MEF2A: variants seen among roughly 807,000 people sequenced by gnomAD.
MEF2A encodes myocyte-specific enhancer factor 2A.
A neutral mutation model predicts 55.8 loss-of-function variants in MEF2A; 28 were observed. The ratio of observed to expected loss-of-function variants is 0.50; its 90% confidence interval spans 0.37 to 0.69. The LOEUF is 0.69. Among genes scored for constraint, MEF2A ranks in the 30% least tolerant of loss-of-function variants. The pLI is 0.00. For synonymous variants in MEF2A, 239 were observed against 227.1 expected, an observed-to-expected ratio of 1.05 and a Z score of -0.47; for missense variants, 528 against 626.2, an observed-to-expected ratio of 0.84 and a Z score of 1.67.
intron 7 of MEF2A, among the ~76,000 whole-genome samples, chr15:99,676,698 T>C (rs987581181): frequency 1.3e-5 from 2 of 151,662 alleles, no homozygotes; most frequent in Non-Finnish European, 2.9e-5. Context: ...GCCTCCCGAG[T>C]AGCTGGGACT....
intron 2 of MEF2A, among the ~76,000 whole-genome samples, chr15:99,616,218 TATTAAA>T (rs1310920066): frequency 6.6e-6 from 1 of 152,208 alleles, no homozygotes; most frequent in Non-Finnish European, 1.5e-5. Flanking sequence ...GTAAAGACTT[TATTAAA>T]ATTATTTTAG....
At chr15:99,597,926 C>G (rs1230376303) in intron 1 of MEF2A, among the ~76,000 whole-genome samples, 3 of 152,090 alleles carry the variant, frequency 2.0e-5, no homozygotes, top group Non-Finnish European at 4.4e-5. Flanking sequence ...TAAAATATAG[C>G]TAGCTAGTGA....
chr15:99,573,515 T>G (rs1963246166), intron 1 of MEF2A, among the ~76,000 whole-genome samples: 1 of 152,216 alleles, frequency 6.6e-6, no homozygotes, highest in Non-Finnish European at 1.5e-5. Flanking sequence ...TGCTGGGCAC[T>G]GAGTAGCCAT....
intron 8 of MEF2A, among the ~76,000 whole-genome samples, chr15:99,701,952 A>C (rs563774869): frequency 5.2e-4 from 79 of 152,358 alleles, no homozygotes; most frequent in Non-Finnish European, 9.4e-4. Context: ...TTGCTTAATA[A>C]AGTTATGTCT....
intron 1 of MEF2A, among the ~76,000 whole-genome samples, chr15:99,596,774 A>C (rs1324220541): frequency 6.6e-6 from 1 of 152,204 alleles, no homozygotes; most frequent in East Asian, 1.9e-4. Flanking sequence ...TCAAGCAAGA[A>C]TGTAGCAGGG....
At chr15:99,642,891 C>A (rs1009475299) in intron 3 of MEF2A, among the ~76,000 whole-genome samples, 2 of 152,258 alleles carry the variant, frequency 1.3e-5, no homozygotes, top group Admixed American at 1.3e-4. Context: ...GGGATTCTTA[C>A]TTTCCTTGAA....
chr15:99,592,902 A>G (rs1439569815), intron 1 of MEF2A, among the ~76,000 whole-genome samples: 1 of 152,174 alleles, frequency 6.6e-6, no homozygotes, highest in Non-Finnish European at 1.5e-5. Context: ...ATCATATCAC[A>G]CACACTGAAT....
At chr15:99,690,705 GA>G (rs1337849019) in intron 8 of MEF2A, 3 of 524,036 alleles carry the variant, frequency 5.7e-6, no homozygotes, top group Non-Finnish European at 1.1e-5. Context: ...GCCAGGCATA[GA>G]AAGATAGATA....
At chr15:99,695,856 T>G (rs1226594683) in intron 8 of MEF2A, among the ~76,000 whole-genome samples, 1 of 73,022 alleles carries the variant, frequency 1.4e-5, no homozygotes, top group Admixed American at 1.5e-4. Context: ...TGAAACTCCG[T>G]CTCAAAAAAA....
intron 1 of MEF2A, among the ~76,000 whole-genome samples, chr15:99,570,375 A>T (rs893790901): frequency 6.6e-6 from 1 of 152,208 alleles, no homozygotes. Context: ...CAAAATAAAC[A>T]AGAAAACATG....
intron 2 of MEF2A, among the ~76,000 whole-genome samples, chr15:99,621,617 C>T (rs1474840483): frequency 6.6e-6 from 1 of 152,096 alleles, no homozygotes; most frequent in African/African-American, 2.4e-5. Context: ...GCCCAAGACT[C>T]CCAATGCTTA....
intron 4 of MEF2A, among the ~76,000 whole-genome samples, chr15:99,661,281 TAGG>T (rs1385061898): frequency 2.0e-5 from 3 of 152,038 alleles, no homozygotes; most frequent in African/African-American, 7.3e-5. Flanking sequence ...CAGGATAATA[TAGG>T]AGAATATCTT....
At chr15:99,569,490 G>A (rs577346463) in intron 1 of MEF2A, among the ~76,000 whole-genome samples, 9 of 152,254 alleles carry the variant, frequency 5.9e-5, no homozygotes, top group Admixed American at 2.0e-4. Context: ...TACATAAAAC[G>A]CTTAATTGGC....
intron 4 of MEF2A, among the ~76,000 whole-genome samples, chr15:99,666,577 G>GGA (rs2049778708): frequency 4.0e-5 from 2 of 50,244 alleles, no homozygotes; most frequent in Admixed American, 2.3e-4. Flanking sequence ...AGAACTTAAA[G>GGA]TATAATAATA....
Position 99,713,883 on chromosome 15 carries a change from TGTAA to T in MEF2A, c.*1116_*1119del, listed in dbSNP as rs1179030286. ...ATCTTAAATATATTATCACCTTTGA[TGTAA>T]GTACCTATGTATTGTATGGTCACCA... On this transcript the variant is annotated 3_prime_UTR_variant, in exon 12 of 12. Coordinates refer to ENST00000557942, the MANE Select transcript of MEF2A (RefSeq NM_001319206.4). 2 of 152,236 alleles carry T rather than the reference TGTAA, an allele frequency of 1.3e-5. No individual in the cohort carries two copies. Among genetic ancestry groups the T allele is most frequent in the African/African-American group, 4.8e-5 (2 of 41,468 alleles). The allele number at this position is 152,236 out of a possible 1,614,324, so 9.4% of individuals were successfully genotyped here.
chr15:99,602,482 A>G (rs1185310139), intron 2 of MEF2A, among the ~76,000 whole-genome samples: 1 of 152,142 alleles, frequency 6.6e-6, no homozygotes, highest in Non-Finnish European at 1.5e-5. Flanking sequence ...GCTGGAGCCC[A>G]TATGTCCAAC....
intron 1 of MEF2A, among the ~76,000 whole-genome samples, chr15:99,585,923 T>G (rs1040045468): frequency 3.9e-5 from 6 of 152,178 alleles, no homozygotes; most frequent in Non-Finnish European, 8.8e-5. Context: ...TTTGTAGGTT[T>G]TTTTCCTAAA....
Position 99,629,184 on chromosome 15 carries a change from C to T in MEF2A, c.-142-3794C>T, listed in dbSNP as rs142464048. Among the ~76,000 whole-genome samples the T allele has an allele frequency of 7.9e-4, 120 of 152,180 alleles. 2 individuals are homozygous for T. The East Asian group carries it at 0.018, about 23-fold the overall frequency. On this transcript the variant is annotated intron_variant, in intron 2 of 11. Coordinates refer to ENST00000557942, the MANE Select transcript of MEF2A (RefSeq NM_001319206.4). ...ACGCGGTGGCTCATGCCTGTAATCCCAACACTTTGGGAGGCCGAGGCGGGT... is the reference window on the plus strand; with the variant it reads ...ACGCGGTGGCTCATGCCTGTAATCCTAACACTTTGGGAGGCCGAGGCGGGT...
In MEF2A at chr15:99,710,729, C is replaced by T; in HGVS notation, c.1105C>T (p.His369Tyr). The T allele has an allele frequency of 6.2e-7, 1 of 1,611,970 alleles. No homozygotes were observed. The change falls in exon 11 of 12, where the codon CAC becomes TAC. Residue 369 changes from histidine (H) to tyrosine (Y), a missense_variant. Physicochemically the swap from His to Tyr is moderately conservative, Grantham distance 83. Coordinates refer to ENST00000557942, the MANE Select transcript of MEF2A (RefSeq NM_001319206.4). ...ACAGGTGTCGGCCTGGCAGCAGCAC[C>T]ACCTAGGACAAGCAGCCCTCAGCTC... ...LGQVSAWQQH[H>Y]LGQAALSSLV...
Sources: gnomAD v4.1 joint callset for allele counts (sites outside exome capture counted in the v4.1 genomes callset) on GRCh38, gnomAD v4.1.1 for gene constraint, MANE v1.5 for transcripts, NCBI Gene and HGNC (gene_info 2026-07-23, HGNC 2026-07-21) for gene names.